TEX36: variants seen among roughly 807,000 people sequenced by gnomAD.
The protein encoded by TEX36 is testis-expressed protein 36.
Under a neutral mutation model 13.6 loss-of-function variants are expected in TEX36, and 12 were observed. That is an observed-to-expected ratio of 0.88 (90% CI 0.56 to 1.43). The LOEUF (loss-of-function observed/expected upper bound fraction) is 1.43, where lower values mean the gene tolerates loss of function less well. TEX36 is among the 40% of genes most tolerant of loss of function. TEX36 has a pLI of 0.00. For synonymous variants in TEX36, 93 were observed against 83.0 expected (o/e 1.12, Z -0.65); for missense variants, 224 against 228.3 (o/e 0.98, Z 0.12).
rs77102087 is a variant in TEX36, at chr10:125,608,422, A to T, written c.265-31548T>A. Among the ~76,000 whole-genome samples, 941 of 152,356 alleles carry T rather than the reference A, an allele frequency of 6.2e-3. 10 individuals are homozygous for T. The highest frequency in any genetic ancestry group is 0.022 in the African/African-American group (902 of 41,578). The stretch of plus-strand genomic sequence containing the variant: ...ACAAAAAACTTTAAAGAATGAAAAC[A>T]ACAGTCATTGATTATGCTCACAAAT... On this transcript the variant is annotated intron_variant, in intron 3 of 3. Coordinates refer to the TEX36 transcript ENST00000532135.
chr10:125,577,766 C>T (rs1048445793), intron 3 of TEX36, among the ~76,000 whole-genome samples: 5 of 152,104 alleles, frequency 3.3e-5, no homozygotes, highest in African/African-American at 1.2e-4. Flanking sequence ...ATGTTATTTC[C>T]TTTGACTCTG....
intron 3 of TEX36, among the ~76,000 whole-genome samples, chr10:125,624,260 G>A (rs567120984): frequency 6.6e-6 from 1 of 152,194 alleles, no homozygotes; most frequent in Non-Finnish European, 1.5e-5. Flanking sequence ...CTTCCCAAAT[G>A]ACAGTGAGAG....
chr10:125,653,967 T>A (rs1846903603), downstream of TEX36, among the ~76,000 whole-genome samples: 3 of 152,122 alleles, frequency 2.0e-5, no homozygotes. Flanking sequence ...AGATCCTGTC[T>A]CTTAAAAAGA....
chr10:125,581,409 C>T (rs529257802), intron 3 of TEX36, among the ~76,000 whole-genome samples: 2 of 152,320 alleles, frequency 1.3e-5, no homozygotes, highest in South Asian at 4.1e-4. Context: ...CAGGCGCATC[C>T]TCCTGCGTAA....
chr10:125,677,826 C>G (rs1191740018), intron 1 of TEX36, among the ~76,000 whole-genome samples: 1 of 152,104 alleles, frequency 6.6e-6, no homozygotes, highest in Non-Finnish European at 1.5e-5. Context: ...GGATTACAGG[C>G]ATGCACCATC....
At chr10:125,621,585 T>A (rs1245785408), downstream of TEX36, 1 of 455,946 alleles carries the variant, frequency 2.2e-6, no homozygotes, top group East Asian at 7.0e-5. Context: ...AAATGGAGTT[T>A]TTTAGGGAGA....
intron 3 of TEX36, among the ~76,000 whole-genome samples, chr10:125,658,376 A>G (rs1846979864): frequency 6.6e-6 from 1 of 152,294 alleles, no homozygotes; most frequent in East Asian, 1.9e-4. Context: ...ATAAAACAAC[A>G]AAAATTTTTG....
At chr10:125,594,151 C>T (rs1846053656) in intron 3 of TEX36, among the ~76,000 whole-genome samples, 2 of 152,174 alleles carry the variant, frequency 1.3e-5, no homozygotes, top group African/African-American at 4.8e-5. Flanking sequence ...AGGGACCCCA[C>T]CTTACTTTAG....
At chr10:125,626,159 C>T (rs1395357125) in intron 3 of TEX36, among the ~76,000 whole-genome samples, 7 of 152,166 alleles carry the variant, frequency 4.6e-5, no homozygotes, top group Admixed American at 3.9e-4. Flanking sequence ...ACTTTTCTGC[C>T]GCTGCCCAGT....
chr10:125,586,465 T>C (rs1177625928), intron 3 of TEX36, among the ~76,000 whole-genome samples: 1 of 152,056 alleles, frequency 6.6e-6, no homozygotes, highest in African/African-American at 2.4e-5. Context: ...ATTCCAATAA[T>C]ATATTCCTTA....
At chr10:125,592,357 C>A (rs1399194617) in intron 3 of TEX36, among the ~76,000 whole-genome samples, 1 of 152,106 alleles carries the variant, frequency 6.6e-6, no homozygotes, top group Non-Finnish European at 1.5e-5. Context: ...GTTCTGACCT[C>A]CGTGTAACGA....
intron 1 of TEX36, among the ~76,000 whole-genome samples, chr10:125,671,991 T>G (rs1234062963): frequency 1.3e-5 from 2 of 152,214 alleles, no homozygotes; most frequent in Non-Finnish European, 2.9e-5. Context: ...CTTTATCATT[T>G]TTCATTGTGT....
At chr10:125,639,469 G>T (rs549270247) in intron 3 of TEX36, among the ~76,000 whole-genome samples, 1 of 147,496 alleles carries the variant, frequency 6.8e-6, no homozygotes, top group Non-Finnish European at 1.5e-5. Flanking sequence ...CAGAGTTAGG[G>T]CTGTGATAAA....
chr10:125,679,138 A>AACCCCC (rs1847355460), intron 1 of TEX36, among the ~76,000 whole-genome samples: 2 of 111,106 alleles, frequency 1.8e-5, no homozygotes, highest in Admixed American at 1.1e-4. Context: ...CTACAGGAGC[A>AACCCCC]CCCCCCCCGC....
At chr10:125,629,036 C>T (rs1267685617) in intron 3 of TEX36, among the ~76,000 whole-genome samples, 1 of 152,236 alleles carries the variant, frequency 6.6e-6, no homozygotes, top group Non-Finnish European at 1.5e-5. Context: ...ATTGCCCAGT[C>T]ATATGACTTA....
rs116118283 is a variant in TEX36 at position 125,637,929 on chromosome 10, C to T, written c.265-16284G>A. ...TAAACCCTCTGCAAGTCCAGACCAC[C>T]CCCCTGCTGCCGGGCCCCCTCCAAC... On this transcript the variant is annotated intron_variant, in intron 3 of 3. Transcript: ENST00000526819. Among the ~76,000 whole-genome samples the T allele has an allele frequency of 7.9e-3, 1,196 of 152,058 alleles. 22 individuals carry two copies. Among genetic ancestry groups the T allele is most frequent in the African/African-American group, 0.027 (1,109 of 41,464 alleles).
chr10:125,626,257 G>T (rs1003736122), intron 3 of TEX36, among the ~76,000 whole-genome samples: 1 of 152,104 alleles, frequency 6.6e-6, no homozygotes, highest in Non-Finnish European at 1.5e-5. Flanking sequence ...CCTCAGACTC[G>T]GCTTGCTGGG....
chr10:125,601,205 A>G (rs1384479781), intron 3 of TEX36, among the ~76,000 whole-genome samples: 1 of 152,266 alleles, frequency 6.6e-6, no homozygotes, highest in Non-Finnish European at 1.5e-5. Flanking sequence ...GTATGTTTAC[A>G]ATGTTTGAGG....
At chr10:125,593,777 C>T (rs576004158) in intron 3 of TEX36, among the ~76,000 whole-genome samples, 3 of 152,204 alleles carry the variant, frequency 2.0e-5, no homozygotes, top group Non-Finnish European at 4.4e-5. Context: ...ACAGGGAATT[C>T]GTGTTTGATG....
Sources: allele counts gnomAD v4.1 joint callset (sites outside exome capture counted in the v4.1 genomes callset), GRCh38; gene constraint gnomAD v4.1.1; transcripts MANE v1.5; gene names NCBI Gene and HGNC (gene_info 2026-07-23, HGNC 2026-07-21).